The following MTMR14 variants were observed in gnomAD, a reference collection of about 807,000 sequenced individuals.
MTMR14 encodes the protein myotubularin related protein 14, also known as phosphatidylinositol-3,5-bisphosphate 3-phosphatase MTMR14.
In MTMR14, 48 loss-of-function variants were observed where a neutral mutation model predicts 86.3. The ratio of observed to expected loss-of-function variants is 0.56; its 90% CI spans 0.44 to 0.71. The LOEUF is 0.71. Ranked by LOEUF, MTMR14 falls within the 30% of genes least tolerant of loss-of-function variation. The probability of loss-of-function intolerance (pLI) is 0.00; values close to 1 mark genes in which losing one functional copy is unlikely to be tolerated. For missense variants in MTMR14, 780 were observed against 834.6 expected (o/e 0.93, Z 0.81); for synonymous variants, 366 against 326.1 (o/e 1.12, Z -1.32).
chr3:9,671,153 G>A lies in MTMR14; in HGVS notation c.660G>A (p.Lys220=), dbSNP rs751114856. The A allele has an allele frequency of 6.2e-7, 1 of 1,614,228 alleles. No homozygotes were observed. The highest frequency in any genetic ancestry group is 8.5e-7 in the Non-Finnish European group (1 of 1,180,038). ...GTGACCTGATGGTGGAGAACAAGAA[G>A]GTGAAGTTTGGCATGAAGTAAGTAC... The part of the protein sequence containing the change: ...YICDLMVENK[K]VKFGMNVTSS... The change falls in exon 6 of 19, where the codon AAG becomes AAA. Residue 220 remains lysine (K), a synonymous_variant. Transcript: ENST00000296003.
chr3:9,680,288 C>T (rs972348515), intron 9 of MTMR14, among the ~76,000 whole-genome samples: 30 of 152,206 alleles, frequency 2.0e-4, no homozygotes, highest in African/African-American at 7.0e-4. Context: ...TTCTTGCCCT[C>T]GTCTCCTGTG....
At chr3:9,657,622 C>T (rs901942605) in intron 2 of MTMR14, among the ~76,000 whole-genome samples, 14 of 151,962 alleles carry the variant, frequency 9.2e-5, no homozygotes, top group Admixed American at 7.9e-4. Context: ...GTGATCTTGG[C>T]TCACTGCAAC....
intron 5 of MTMR14, among the ~76,000 whole-genome samples, chr3:9,670,732 T>G (rs372058099): frequency 1.3e-5 from 2 of 152,368 alleles, no homozygotes; most frequent in African/African-American, 4.8e-5. Flanking sequence ...ACCAGCCTGC[T>G]GCATTTTAGA....
At position 9,672,701 on chromosome 3, in the gene MTMR14, A is replaced by G; in HGVS notation, c.694A>G (p.Lys232Glu). ...GTCTTGTAGTGTAACCTCCTCTGAG[A>G]AGGTGGACAAAGCCCAGCGCTATGC... ...KFGMNVTSSE[K>E]VDKAQRYADF... Residue 232 changes from lysine (K) to glutamate (E), a missense_variant, in exon 7 of 19, where the codon AAG becomes GAG. Lys to Glu is a moderately conservative substitution (Grantham distance 56). Transcript: ENST00000296003. The G allele has an allele frequency of 6.2e-7, 1 of 1,614,152 alleles. No homozygotes were observed. The highest frequency in any genetic ancestry group is 8.5e-7 in the Non-Finnish European group (1 of 1,180,022).
intron 12 of MTMR14, 119 bp from the exon 13 acceptor site, chr3:9,685,092 T>C (rs1334335112): frequency 6.6e-7 from 1 of 1,506,778 alleles, no homozygotes; most frequent in African/African-American, 1.4e-5. Context: ...CCGAAGCTGC[T>C]GATCAGGCCC....
chr3:9,682,809 T>G (rs1270390495), intron 9 of MTMR14, among the ~76,000 whole-genome samples: 1 of 152,250 alleles, frequency 6.6e-6, no homozygotes, highest in Non-Finnish European at 1.5e-5. Flanking sequence ...CGTTTACCTT[T>G]ACTGGCTTCC....
At chr3:9,679,720 C>T (rs77324315) in intron 9 of MTMR14, among the ~76,000 whole-genome samples, 188 of 152,306 alleles carry the variant, frequency 1.2e-3, no homozygotes, top group African/African-American at 4.2e-3. Context: ...TTGTGCCAGG[C>T]TCAAATATGA....
Position 9,649,570 on chromosome 3 carries a change from C to T in MTMR14, c.-14C>T, listed in dbSNP as rs532770469. The T allele has an allele frequency of 6.5e-7, 1 of 1,538,242 alleles. No individual in the cohort carries two copies. Among genetic ancestry groups the T allele is most frequent in the Non-Finnish European group, 8.8e-7 (1 of 1,142,534 alleles). Reference sequence around the variant, plus strand: ...GCCCGCTTGAGGCACACTGAGGGGACGCGGGGCTGGGCCATGGCCGGCGCT... The same window carrying T: ...GCCCGCTTGAGGCACACTGAGGGGATGCGGGGCTGGGCCATGGCCGGCGCT... On this transcript the variant is annotated 5_prime_UTR_variant, in exon 1 of 19. In the 5' UTR this introduces an upstream ATG that the reference lacks. Transcript: ENST00000296003.
rs903656877 is a variant in MTMR14, at chr3:9,653,716, TC to T, written c.259del (p.Arg87GlyfsTer24). ...NTNGDICGHY[P>X]RHIVFLEYES... is the part of the protein sequence containing the mutation. ...CGAATGGGGATATCTGTGGCCACTA[TC>T]CCCGGCACATCGTGTTCCTGGAGTA... On this transcript the variant is annotated frameshift_variant, in exon 2 of 19. Coordinates refer to ENST00000296003, the MANE Select transcript of MTMR14 (RefSeq NM_001077525.3). LOFTEE classifies it high-confidence loss of function. The T allele has an allele frequency of 1.2e-6, 2 of 1,614,022 alleles. No homozygotes were observed. The highest frequency in any genetic ancestry group is 2.7e-5 in the African/African-American group (2 of 74,890).
At chr3:9,693,256 G>A (rs1004787067) in intron 17 of MTMR14, among the ~76,000 whole-genome samples, 9 of 152,196 alleles carry the variant, frequency 5.9e-5, no homozygotes, top group Non-Finnish European at 1.2e-4. Context: ...ATACAGATGT[G>A]AACATGCAGT....
chr3:9,655,665 G>A (rs1019265665), intron 2 of MTMR14, among the ~76,000 whole-genome samples: 19 of 150,464 alleles, frequency 1.3e-4, no homozygotes, highest in Non-Finnish European at 2.4e-4. Context: ...GTTTCACCAC[G>A]TTGGTCAGGC....
intron 7 of MTMR14, among the ~76,000 whole-genome samples, chr3:9,674,393 T>C (rs547995316): frequency 1.3e-5 from 2 of 152,228 alleles, no homozygotes; most frequent in Non-Finnish European, 2.9e-5. Flanking sequence ...CATCATGATG[T>C]CTATTTGTAA....
At chr3:9,679,196 T>C (rs2075679926) in intron 9 of MTMR14, among the ~76,000 whole-genome samples, 2 of 152,206 alleles carry the variant, frequency 1.3e-5, no homozygotes, top group South Asian at 2.1e-4. Context: ...AGTAGGGTGA[T>C]GTCAGAGTTC....
At chr3:9,687,648 C>G (rs1219643322) in intron 13 of MTMR14, among the ~76,000 whole-genome samples, 173 bp from the exon 14 acceptor site, 1 of 152,134 alleles carries the variant, frequency 6.6e-6, no homozygotes, top group Non-Finnish European at 1.5e-5. Context: ...ATCTGCCAGG[C>G]CCTTCCAAGG....
chr3:9,678,682 C>T (rs1310141208), intron 9 of MTMR14, among the ~76,000 whole-genome samples: 1 of 152,238 alleles, frequency 6.6e-6, no homozygotes, highest in Non-Finnish European at 1.5e-5. Flanking sequence ...ACATACTGCC[C>T]TTCAGGCTTT....
At chr3:9,658,636 GTTCTGTGACT>G (rs930675665) in intron 2 of MTMR14, among the ~76,000 whole-genome samples, 2 of 152,238 alleles carry the variant, frequency 1.3e-5, no homozygotes, top group Non-Finnish European at 2.9e-5. Context: ...CTGTTTACCT[GTTCTGTGACT>G]TTGGGCTAGA....
chr3:9,681,802 T>G (rs576872899), intron 9 of MTMR14, among the ~76,000 whole-genome samples: 8 of 152,324 alleles, frequency 5.3e-5, no homozygotes, highest in African/African-American at 1.4e-4. Context: ...GAATGTGGAC[T>G]TTGGAGTCTG....
intron 3 of MTMR14, among the ~76,000 whole-genome samples, 162 bp downstream of exon 3, chr3:9,662,537 G>C (rs1225091359): frequency 2.0e-5 from 3 of 152,214 alleles, no homozygotes; most frequent in African/African-American, 2.4e-5. Context: ...AATTCTGACT[G>C]AAGGATGGTT....
At chr3:9,686,365 C>T (rs79763058) in intron 13 of MTMR14, among the ~76,000 whole-genome samples, 1,780 of 152,304 alleles carry the variant, frequency 0.012, 32 homozygotes, top group African/African-American at 0.041. Flanking sequence ...CAAAGCAGAC[C>T]AGATCTGCCT....
Sources: allele counts gnomAD v4.1 joint callset (sites outside exome capture counted in the v4.1 genomes callset), GRCh38; gene constraint gnomAD v4.1.1; transcripts MANE v1.5; gene names NCBI Gene and HGNC (gene_info 2026-07-23, HGNC 2026-07-21).